The following ATM variants were observed in gnomAD, a reference collection of about 807,000 sequenced individuals.
ATM encodes the protein serine-protein kinase ATM.
In ATM, 308 loss-of-function variants were observed where a neutral mutation model predicts 387.0. The observed-to-expected ratio is 0.80, with a 90% CI of 0.73 to 0.87. The LOEUF (loss-of-function observed/expected upper bound fraction) is 0.87. Among genes scored for constraint, ATM ranks in the 40% least tolerant of loss-of-function variants. The pLI is 0.00. For synonymous variants in ATM, 1,156 were observed against 1,187.3 expected, an observed-to-expected ratio of 0.97 and a Z score of 0.54; for missense variants, 3,312 against 3,560.9, an observed-to-expected ratio of 0.93 and a Z score of 1.78.
At position 108,271,210 on chromosome 11, in the gene ATM, T is replaced by A. The variant is rs749535458; in HGVS notation, c.2922-41T>A. ...TTATAAAATAACTGATGTGTTCTGT[T>A]AAGCTTATAAAGTTGAACTTTTTTT... is the stretch of plus-strand genomic sequence containing the variant. On this transcript the variant is annotated intron_variant, in intron 19 of 62. Coordinates refer to ENST00000675843, the MANE Select transcript of ATM (RefSeq NM_000051.4). 8.0e-5 allele frequency: 129 copies of A among 1,613,244 alleles called. No homozygotes were observed. The highest frequency in any genetic ancestry group is 1.3e-4 in the Admixed American group (8 of 59,866).
chr11:108,289,057 A>G lies in ATM; in HGVS notation c.4190A>G (p.His1397Arg). The G allele has an allele frequency of 6.2e-7, 1 of 1,612,738 alleles. No homozygotes were observed. Residue 1397 changes from histidine (H) to arginine (R), a missense_variant, in exon 28 of 63, where the codon CAT becomes CGT. Transcript: ENST00000675843. ...ACATTTGCCTATATCAGCAATTGTCATAAAACCAAGTTAAAAAGCATTTTA... is the reference window on the plus strand; with the variant it reads ...ACATTTGCCTATATCAGCAATTGTCGTAAAACCAAGTTAAAAAGCATTTTA... ...KATFAYISNC[H>R]KTKLKSILEI...
At chr11:108,355,390 G>C (rs919461058) in intron 61 of ATM, 8 of 168,654 alleles carry the variant, frequency 4.7e-5, no homozygotes, top group Non-Finnish European at 1.0e-4. Context: ...ACCTGAATAG[G>C]GTTTGGGCCT....
rs3092845 is a variant in ATM, at chr11:108,368,644, A to G, written c.*3136A>G. On this transcript the variant is annotated 3_prime_UTR_variant, in exon 63 of 63. Coordinates refer to ENST00000675843, the MANE Select transcript of ATM (RefSeq NM_000051.4). ...TGCCAGTCAGTTGCTCAAAAGGTCA[A>G]TGAAAACCAAATAGTGAAGCTATCA... The G allele has an allele frequency of 2.3e-3, 499 of 217,468 alleles. 3 individuals carry two copies. Among genetic ancestry groups the G allele is most frequent in the Middle Eastern group, 5.8e-3 (4 of 684 alleles). 13.5% of individuals were successfully genotyped at this position (217,468 alleles called of 1,614,324 possible).
chr11:108,261,984 G>A (rs918575422), intron 16 of ATM, among the ~76,000 whole-genome samples: 14 of 152,156 alleles, frequency 9.2e-5, no homozygotes. Flanking sequence ...GGGACTATGG[G>A]AAAAGACCAA....
chr11:108,263,183 T>C (rs1350168653), intron 16 of ATM, among the ~76,000 whole-genome samples: 1 of 141,756 alleles, frequency 7.1e-6, no homozygotes, highest in Non-Finnish European at 1.5e-5. Flanking sequence ...AGAATATACA[T>C]TTTTTTCAGC....
At chr11:108,341,228 C>A (rs1003579298) in intron 56 of ATM, among the ~76,000 whole-genome samples, 1 of 152,014 alleles carries the variant, frequency 6.6e-6, no homozygotes, top group Non-Finnish European at 1.5e-5. Flanking sequence ...GGCTTTTCTG[C>A]TTCTGCCTGC....
chr11:108,297,673 A>T (rs2083200294), intron 33 of ATM, among the ~76,000 whole-genome samples: 1 of 152,300 alleles, frequency 6.6e-6, no homozygotes, highest in Admixed American at 6.5e-5. Context: ...AATGTGAGTT[A>T]TGCGGTGGTC....
At chr11:108,320,524 A>G (rs1405658657) in intron 44 of ATM, among the ~76,000 whole-genome samples, 2 of 152,200 alleles carry the variant, frequency 1.3e-5, no homozygotes, top group African/African-American at 4.8e-5. Context: ...ACAGAAATAA[A>G]ATTTACTATC....
At chr11:108,252,122 A>T (rs1472192640) in intron 11 of ATM, 91 bp downstream of exon 11, 5 of 1,135,930 alleles carry the variant, frequency 4.4e-6, no homozygotes, top group Non-Finnish European at 3.8e-6. Flanking sequence ...TTTATTTTAT[A>T]ATAATAATGC....
intron 61 of ATM, chr11:108,355,277 C>A (rs1171577459): frequency 1.3e-5 from 3 of 233,098 alleles, no homozygotes; most frequent in Admixed American, 5.2e-5. Context: ...ATCAAATTGT[C>A]AGCATCATTA....
In ATM at chr11:108,326,148, TG is replaced by T; in HGVS notation, c.6901del (p.Ala2301GlnfsTer9). On this transcript the variant is annotated frameshift_variant, in exon 47 of 63. Coordinates refer to ENST00000675843, the MANE Select transcript of ATM (RefSeq NM_000051.4). LOFTEE classifies it high-confidence loss of function. ...GCAGCTGGAAGAAGCACAAGTATTC[TG>T]GGCAAAAAAGGAGCAGAGTCTTGCC... ...EWQLEEAQVF[W>X]AKKEQSLALS... is the part of the protein sequence containing the mutation. 6.2e-7 allele frequency: 1 copy of T among 1,614,092 alleles called. No individual in the cohort carries two copies. Among genetic ancestry groups the T allele is most frequent in the Non-Finnish European group, 8.5e-7 (1 of 1,179,996 alleles).
intron 28 of ATM, 141 bp from the exon 29 acceptor site, chr11:108,289,461 C>T: frequency 7.0e-6 from 5 of 716,894 alleles, no homozygotes; most frequent in South Asian, 4.8e-5. Flanking sequence ...GATATCAAAC[C>T]CAAATCTAAA....
At chr11:108,279,413 A>G (rs2082107795) in intron 22 of ATM, 78 bp from the exon 23 acceptor site, 1 of 1,007,564 alleles carries the variant, frequency 9.9e-7, no homozygotes, top group African/African-American at 1.6e-5. Flanking sequence ...TTTGTTCTGG[A>G]ATATGCTTTG....
intron 52 of ATM, 74 bp from the exon 53 acceptor site, chr11:108,332,688 T>G (rs1349565274): frequency 2.0e-6 from 3 of 1,498,494 alleles, no homozygotes; most frequent in Non-Finnish European, 2.7e-6. Flanking sequence ...TGTTTTTCTC[T>G]TTGTTTTTCT....
At position 108,318,305 on chromosome 11, in the gene ATM, T is replaced by C. The variant is rs1316810335; in HGVS notation, c.6347+784T>C. 2.0e-5 allele frequency among the ~76,000 whole-genome samples: 3 copies of C among 151,800 alleles called. No individual in the cohort carries two copies. The East Asian group carries it at 5.8e-4, about 29-fold the overall frequency. On this transcript the variant is annotated intron_variant, in intron 43 of 62. Coordinates refer to ENST00000675843, the MANE Select transcript of ATM (RefSeq NM_000051.4). Reference sequence around the variant, plus strand: ...AGAACACGGGAGACGGAGGTTGCAGTGAGCTGAGATAGCACCACTGCACTC... The same window carrying C: ...AGAACACGGGAGACGGAGGTTGCAGCGAGCTGAGATAGCACCACTGCACTC...
At position 108,325,526 on chromosome 11, in the gene ATM, A is replaced by C. The variant is rs368596499; in HGVS notation, c.6789A>C (p.Arg2263Ser). 1 of 1,604,742 alleles carries C rather than the reference A, an allele frequency of 6.2e-7. No homozygotes were observed. Among genetic ancestry groups the C allele is most frequent in the African/African-American group, 1.3e-5 (1 of 74,880 alleles). ...KHLVELSILA[R>S]TFKNTQLPER... ...TTGTAGAACTCTCTATACTGGCCAGAACTTTCAAGAACACTCAGGTAAATA... is the reference window on the plus strand; with the variant it reads ...TTGTAGAACTCTCTATACTGGCCAGCACTTTCAAGAACACTCAGGTAAATA... The change falls in exon 46 of 63, where the codon AGA (arginine) becomes AGC (serine). Residue 2263 changes from arginine to serine, a missense_variant. Transcript: ENST00000675843.
chr11:108,227,913 T>C (rs1301288902), intron 3 of ATM, 25 bp downstream of exon 3: 3 of 1,556,174 alleles, frequency 1.9e-6, no homozygotes, highest in South Asian at 2.3e-5. Context: ...TTTATTTTAC[T>C]GTCTTTATTT....
At chr11:108,246,045 A>T (rs1016467769) in intron 7 of ATM, among the ~76,000 whole-genome samples, 5 of 151,910 alleles carry the variant, frequency 3.3e-5, no homozygotes, top group Non-Finnish European at 7.4e-5. Context: ...GCTGGCCTTG[A>T]GCTCCTGACC....
intron 56 of ATM, among the ~76,000 whole-genome samples, chr11:108,341,746 T>C (rs1180517026): frequency 6.6e-6 from 1 of 152,220 alleles, no homozygotes; most frequent in Non-Finnish European, 1.5e-5. Context: ...ATATTCAACT[T>C]TTCTAGTAAT....
Sources: gnomAD v4.1 joint callset for allele counts (sites outside exome capture counted in the v4.1 genomes callset) on GRCh38, gnomAD v4.1.1 for gene constraint, MANE v1.5 for transcripts, NCBI Gene and HGNC (gene_info 2026-07-23, HGNC 2026-07-21) for gene names.